CNTN4: variants seen among roughly 807,000 people sequenced by gnomAD.
CNTN4 encodes the protein contactin 4, also known as contactin-4.
CNTN4 carries 77 observed loss-of-function variants against 122.5 expected under a neutral mutation model. The observed-to-expected ratio is 0.63, with a 90% CI of 0.52 to 0.76. CNTN4 has a LOEUF of 0.76. Ranked by LOEUF, CNTN4 falls within the 30% of genes least tolerant of loss-of-function variation. CNTN4 has a pLI of 0.00. For synonymous variants in CNTN4, 512 were observed against 447.0 expected, an observed-to-expected ratio of 1.15 and a Z score of -1.83; for missense variants, 1,256 against 1,259.1, an observed-to-expected ratio of 1.00 and a Z score of 0.04.
chr3:2,137,336 G>T (rs2034742838), intron 2 of CNTN4, among the ~76,000 whole-genome samples: 1 of 152,132 alleles, frequency 6.6e-6, no homozygotes, highest in South Asian at 2.1e-4. Flanking sequence ...GAACTAACCA[G>T]ATACATCAGC....
At chr3:2,959,032 A>G (rs796757903) in intron 13 of CNTN4, among the ~76,000 whole-genome samples, 9 of 152,312 alleles carry the variant, frequency 5.9e-5, no homozygotes, top group African/African-American at 2.2e-4. Context: ...CACATATACA[A>G]TGAGAACAAC....
At chr3:2,203,379 A>G (rs887884965) in intron 2 of CNTN4, among the ~76,000 whole-genome samples, 4 of 152,100 alleles carry the variant, frequency 2.6e-5, no homozygotes, top group Non-Finnish European at 5.9e-5. Flanking sequence ...GGGTGCTACT[A>G]TGATGTTGTT....
At chr3:2,342,022 G>C (rs11710271) in intron 3 of CNTN4, among the ~76,000 whole-genome samples, 19,378 of 152,204 alleles carry the variant, frequency 0.13, 1,535 homozygotes, top group Non-Finnish European at 0.18. Flanking sequence ...TGGAGGCTTA[G>C]CTTTGCTTCT....
intron 6 of CNTN4, among the ~76,000 whole-genome samples, chr3:2,759,723 A>G (rs2090502216): frequency 6.6e-6 from 1 of 151,908 alleles, no homozygotes; most frequent in South Asian, 2.1e-4. Context: ...CAAAAAAAAA[A>G]AAAGTATGTT....
At position 2,576,114 on chromosome 3, in the gene CNTN4, C is replaced by T. The variant is rs144108813; in HGVS notation, c.55+4556C>T. Among the ~76,000 whole-genome samples, 366 of 152,192 alleles carry T rather than the reference C, an allele frequency of 2.4e-3. 3 individuals carry two copies. Among genetic ancestry groups the T allele is most frequent in the African/African-American group, 8.3e-3 (343 of 41,528 alleles). The stretch of plus-strand genomic sequence containing the variant: ...CCTCCCAGAGTGCTGGAATTACAGG[C>T]GTGAGCCACCACGCCCAGCCGCTTT... On this transcript the variant is annotated intron_variant, in intron 4 of 24. Coordinates refer to ENST00000418658, the MANE Select transcript of CNTN4 (RefSeq NM_175607.3).
intron 3 of CNTN4, among the ~76,000 whole-genome samples, chr3:2,519,495 C>G (rs188290866): frequency 6.6e-6 from 1 of 152,292 alleles, no homozygotes; most frequent in East Asian, 1.9e-4. Context: ...GTTCCCTTCT[C>G]TGGCAAGAAA....
chr3:2,128,825 T>A (rs1409127148), intron 2 of CNTN4, among the ~76,000 whole-genome samples: 1 of 152,234 alleles, frequency 6.6e-6, no homozygotes, highest in Non-Finnish European at 1.5e-5. Flanking sequence ...GCCAACTGAA[T>A]GAAATGATTC....
At chr3:2,879,112 A>C (rs1459632062) in intron 8 of CNTN4, among the ~76,000 whole-genome samples, 2 of 152,208 alleles carry the variant, frequency 1.3e-5, no homozygotes, top group Non-Finnish European at 2.9e-5. Flanking sequence ...AGATGTAATC[A>C]GTAAAGATAA....
chr3:2,500,714 C>A (rs1434944920), intron 3 of CNTN4, among the ~76,000 whole-genome samples: 1 of 151,982 alleles, frequency 6.6e-6, no homozygotes, highest in East Asian at 1.9e-4. Flanking sequence ...CATTCTTAAA[C>A]AGAATCTATT....
chr3:2,976,341 A>C (rs1693411725), intron 13 of CNTN4, among the ~76,000 whole-genome samples: 1 of 152,210 alleles, frequency 6.6e-6, no homozygotes, highest in Non-Finnish European at 1.5e-5. Flanking sequence ...TTCTCTTTTG[A>C]GCAATGCTGC....
intron 5 of CNTN4, among the ~76,000 whole-genome samples, chr3:2,744,580 T>C (rs1411563264): frequency 6.6e-6 from 1 of 152,220 alleles, no homozygotes; most frequent in Non-Finnish European, 1.5e-5. Context: ...TTAGTTAATA[T>C]TCTGTGTAAG....
At chr3:2,179,407 T>G (rs1397911300) in intron 2 of CNTN4, among the ~76,000 whole-genome samples, 1 of 151,986 alleles carries the variant, frequency 6.6e-6, no homozygotes, top group Non-Finnish European at 1.5e-5. Context: ...GAGACTTAGA[T>G]TTCATTAATA....
At chr3:2,326,591 A>C (rs141634418) in intron 2 of CNTN4, among the ~76,000 whole-genome samples, 4 of 152,092 alleles carry the variant, frequency 2.6e-5, no homozygotes, top group African/African-American at 4.8e-5. Flanking sequence ...CTGTAAAGGA[A>C]ATATACTATC....
chr3:2,174,754 T>C (rs2036675999), intron 2 of CNTN4, among the ~76,000 whole-genome samples: 1 of 152,184 alleles, frequency 6.6e-6, no homozygotes, highest in African/African-American at 2.4e-5. Flanking sequence ...GGTATAAGCA[T>C]GGCATTGGCA....
At chr3:2,122,016 C>CGCG (rs1553568997) in intron 2 of CNTN4, among the ~76,000 whole-genome samples, 5 of 134,994 alleles carry the variant, frequency 3.7e-5, no homozygotes, top group African/African-American at 1.0e-4. Context: ...ATTAGCCGGG[C>CGCG]GTGGTGGCGG....
chr3:2,424,751 C>A (rs569789599), intron 3 of CNTN4, among the ~76,000 whole-genome samples: 1 of 152,078 alleles, frequency 6.6e-6, no homozygotes, highest in African/African-American at 2.4e-5. Context: ...CTTTAATGAT[C>A]GCCATTCTAA....
At chr3:2,179,503 A>G (rs1478829543) in intron 2 of CNTN4, among the ~76,000 whole-genome samples, 1 of 152,036 alleles carries the variant, frequency 6.6e-6, no homozygotes, top group Non-Finnish European at 1.5e-5. Context: ...AGCTATAACA[A>G]AAAATATTAC....
intron 5 of CNTN4, among the ~76,000 whole-genome samples, chr3:2,740,029 C>A (rs2089369974): frequency 6.6e-6 from 1 of 151,654 alleles, no homozygotes; most frequent in Non-Finnish European, 1.5e-5. Context: ...TTTCCAAGTA[C>A]CTTTTTTTTT....
chr3:2,635,284 C>T (rs191878471), intron 4 of CNTN4, among the ~76,000 whole-genome samples: 1 of 152,254 alleles, frequency 6.6e-6, no homozygotes, highest in East Asian at 1.9e-4. Flanking sequence ...CAAAAAAGGA[C>T]AGTGTGAGAT....
Sources: gnomAD v4.1 joint callset for allele counts (sites outside exome capture counted in the v4.1 genomes callset) on GRCh38, gnomAD v4.1.1 for gene constraint, MANE v1.5 for transcripts, NCBI Gene and HGNC (gene_info 2026-07-23, HGNC 2026-07-21) for gene names.